NTRK3: variants seen among roughly 807,000 people sequenced by gnomAD.
NTRK3 encodes NT-3 growth factor receptor.
NTRK3 carries 24 observed loss-of-function variants against 91.7 expected under a neutral mutation model. The observed-to-expected ratio is 0.26, with a 90% CI of 0.19 to 0.37. The LOEUF is 0.37. NTRK3 is among the 10% of genes least tolerant of loss of function. The pLI, the probability that NTRK3 is intolerant of heterozygous loss-of-function variation, is 1.00. For synonymous variants in NTRK3, 483 were observed against 404.0 expected (o/e 1.20, Z -2.34); for missense variants, 880 against 1,068.9 (o/e 0.82, Z 2.46).
At chr15:88,196,667 T>C (rs113679053) in intron 3 of NTRK3, among the ~76,000 whole-genome samples, 153 of 152,384 alleles carry the variant, frequency 1.0e-3, no homozygotes, top group African/African-American at 3.5e-3. Context: ...GGTTTCTCTC[T>C]TGTTCGCTTT....
Position 88,136,082 on chromosome 15 carries a change from C to G in NTRK3, c.766-42G>C, listed in dbSNP as rs747839238. On this transcript the variant is annotated intron_variant, in intron 8 of 18. Transcript: ENST00000394480. ...AAAGATAACAATCAGATAGCTTCTA[C>G]AAGGATGGCTCTGCTACCTAATCCC... The G allele has an allele frequency of 4.3e-6, 7 of 1,612,376 alleles. No homozygotes were observed. In the South Asian group the frequency reaches 7.7e-5, roughly 18 times the overall value.
At chr15:88,183,688 C>A (rs1012414965) in intron 4 of NTRK3, among the ~76,000 whole-genome samples, 199 bp from the exon 5 acceptor site, 6 of 152,196 alleles carry the variant, frequency 3.9e-5, no homozygotes, top group African/African-American at 1.4e-4. Context: ...CGCCCCAGGG[C>A]CCCGTGAGGC....
chr15:87,968,017 G>A (rs560444204), intron 14 of NTRK3, among the ~76,000 whole-genome samples: 1 of 152,244 alleles, frequency 6.6e-6, no homozygotes, highest in South Asian at 2.1e-4. Context: ...GGTCCCTGGT[G>A]GGCTCAAGAC....
intron 14 of NTRK3, among the ~76,000 whole-genome samples, chr15:87,997,316 T>C (rs1338755283): frequency 6.6e-6 from 1 of 152,164 alleles, no homozygotes; most frequent in Non-Finnish European, 1.5e-5. Flanking sequence ...GCCGTGAGTG[T>C]CCTAAGAAGA....
Position 88,240,282 on chromosome 15 carries a change from T to G in NTRK3, c.248+15624A>C, listed in dbSNP as rs2052217292. Among the ~76,000 whole-genome samples, 1 of 152,012 alleles carries G rather than the reference T, an allele frequency of 6.6e-6. No individual in the cohort carries two copies. Among genetic ancestry groups the G allele is most frequent in the Non-Finnish European group, 1.5e-5 (1 of 68,000 alleles). On this transcript the variant is annotated intron_variant, in intron 3 of 18. Transcript: ENST00000394480. This position sits in a 1 kb window ranked among gnomAD's most constrained non-coding sequence, Gnocchi z 4.9. ...TAGTCCAGCCCCCTGATTTTAAATA[T>G]AAGAAAACTGAGACCTTAGAGACAA...
chr15:87,941,043 T>C (rs137888932), intron 14 of NTRK3, among the ~76,000 whole-genome samples: 48 of 152,308 alleles, frequency 3.2e-4, no homozygotes, highest in African/African-American at 1.1e-3. Flanking sequence ...GATTCTGGTA[T>C]TCATTAGCCA....
At chr15:88,045,338 A>G (rs917689689) in intron 13 of NTRK3, among the ~76,000 whole-genome samples, 1 of 152,188 alleles carries the variant, frequency 6.6e-6, no homozygotes, top group African/African-American at 2.4e-5. Flanking sequence ...TGGGGTCAAC[A>G]CTGGCCCATT....
At chr15:87,962,720 C>G (rs1014822859) in intron 14 of NTRK3, among the ~76,000 whole-genome samples, 7 of 152,128 alleles carry the variant, frequency 4.6e-5, no homozygotes, top group African/African-American at 1.7e-4. Context: ...ACTGCCATGC[C>G]CCACCCGATG....
intron 14 of NTRK3, among the ~76,000 whole-genome samples, chr15:87,968,450 A>G (rs908933559): frequency 1.3e-5 from 2 of 152,200 alleles, no homozygotes; most frequent in Non-Finnish European, 2.9e-5. Flanking sequence ...AAAAATATGT[A>G]CACGTTCAGA....
At chr15:88,165,397 G>A (rs2044838872) in intron 5 of NTRK3, among the ~76,000 whole-genome samples, 1 of 152,124 alleles carries the variant, frequency 6.6e-6, no homozygotes, top group Non-Finnish European at 1.5e-5. Flanking sequence ...TCTTAGACCT[G>A]CACTACTGCT....
At chr15:87,922,426 C>T (rs1177018368) in intron 17 of NTRK3, among the ~76,000 whole-genome samples, 1 of 152,146 alleles carries the variant, frequency 6.6e-6, no homozygotes, top group Non-Finnish European at 1.5e-5. Flanking sequence ...GGCTGCCCTC[C>T]AGAGCTCTCA....
intron 14 of NTRK3, among the ~76,000 whole-genome samples, chr15:87,989,085 G>A (rs1183489338): frequency 1.3e-5 from 2 of 152,158 alleles, no homozygotes; most frequent in African/African-American, 4.8e-5. Context: ...CATTGTGGAA[G>A]ACAGTGTGGC....
intron 14 of NTRK3, among the ~76,000 whole-genome samples, chr15:87,962,082 G>T (rs192041377): frequency 2.0e-5 from 3 of 152,292 alleles, no homozygotes; most frequent in Non-Finnish European, 1.5e-5. Flanking sequence ...GCTTGCTTGG[G>T]CTGTAGGAAG....
intron 17 of NTRK3, among the ~76,000 whole-genome samples, chr15:87,921,745 A>C (rs1254897128): frequency 6.6e-6 from 1 of 152,114 alleles, no homozygotes; most frequent in Admixed American, 6.5e-5. Flanking sequence ...TTTTCTGATG[A>C]GTATCTTCTC....
chr15:87,876,602 A>G (rs1242401452), exon 19 of NTRK3: 6 of 218,450 alleles, frequency 2.7e-5, no homozygotes, highest in South Asian at 1.8e-4. Flanking sequence ...TATTATTAAT[A>G]TTTTAGAGTT....
chr15:88,019,549 C>T (rs2077464977), intron 14 of NTRK3, among the ~76,000 whole-genome samples: 1 of 152,200 alleles, frequency 6.6e-6, no homozygotes, highest in Admixed American at 6.5e-5. Context: ...AAACATATGA[C>T]ATAATTCTGG....
Position 87,942,477 on chromosome 15 carries a change from G to C in NTRK3, c.1586-1724C>G, listed in dbSNP as rs140454665. Among the ~76,000 whole-genome samples the C allele has an allele frequency of 1.3e-3, 192 of 152,226 alleles. 1 individual carries two copies. The highest frequency in any genetic ancestry group is 4.5e-3 in the African/African-American group (186 of 41,542). On this transcript the variant is annotated intron_variant, in intron 14 of 18. Transcript: ENST00000394480. ...AGGAAGTCAGGCCCTCTCTCGGGAG[G>C]CCACCTGCTCCTGCTACCTAATCAT...
intron 13 of NTRK3, among the ~76,000 whole-genome samples, chr15:88,117,102 T>C (rs1189686922): frequency 6.6e-6 from 1 of 152,220 alleles, no homozygotes; most frequent in African/African-American, 2.4e-5. Flanking sequence ...TTAAGTGACC[T>C]GGAGTGTGGC....
intron 5 of NTRK3, among the ~76,000 whole-genome samples, chr15:88,166,789 T>C (rs2045003105): frequency 6.6e-6 from 1 of 152,172 alleles, no homozygotes; most frequent in African/African-American, 2.4e-5. Context: ...CTGTGTGACC[T>C]TGAGCACGTT....
Sources: gnomAD v4.1 joint callset for allele counts (sites outside exome capture counted in the v4.1 genomes callset) on GRCh38, gnomAD v4.1.1 for gene constraint, Gnocchi (gnomAD v3.1) non-coding constraint, MANE v1.5 for transcripts, NCBI Gene and HGNC (gene_info 2026-07-23, HGNC 2026-07-21) for gene names.